The following DENND5A variants were observed in gnomAD, a reference collection of about 807,000 sequenced individuals.
DENND5A encodes the protein DENN domain-containing protein 5A.
DENND5A carries 64 observed loss-of-function variants against 140.3 expected under a neutral mutation model. That is an observed-to-expected ratio of 0.46 (90% CI 0.37 to 0.56). DENND5A has a LOEUF of 0.56. Among genes scored for constraint, DENND5A ranks in the 20% least tolerant of loss-of-function variants. The pLI, the probability that DENND5A is intolerant of heterozygous loss-of-function variation, is 0.00. For missense variants in DENND5A, 1,292 were observed against 1,593.8 expected (o/e 0.81, Z 3.22); for synonymous variants, 605 against 607.7 (o/e 1.00, Z 0.07).
intron 4 of DENND5A, among the ~76,000 whole-genome samples, chr11:9,202,545 T>C (rs904392819): frequency 6.6e-6 from 1 of 152,162 alleles, no homozygotes; most frequent in Non-Finnish European, 1.5e-5. Context: ...GAATCTTCCG[T>C]AGCTAGAAAT....
At position 9,168,706 on chromosome 11, in the gene DENND5A, A is replaced by C. The variant is rs570766579; in HGVS notation, c.2151+1150T>G. On this transcript the variant is annotated intron_variant, in intron 10 of 22. Transcript: ENST00000328194. ...ATTCATAACCATATCTTACAATTTT[A>C]ATTTATTCATTAAAAACATAGCAAA... 3.3e-5 allele frequency among the ~76,000 whole-genome samples: 5 copies of C among 152,300 alleles called. No individual in the cohort carries two copies. The East Asian group carries it at 9.6e-4, about 29-fold the overall frequency.
At chr11:9,215,731 G>A (rs1443934611) in intron 1 of DENND5A, among the ~76,000 whole-genome samples, 1 of 146,960 alleles carries the variant, frequency 6.8e-6, no homozygotes, top group African/African-American at 2.5e-5. Flanking sequence ...TTGTGTTTTA[G>A]TAAAGATAGG....
chr11:9,235,615 G>A (rs1160253696), intron 1 of DENND5A, among the ~76,000 whole-genome samples: 5 of 150,240 alleles, frequency 3.3e-5, no homozygotes, highest in Admixed American at 2.7e-4. Flanking sequence ...CTGAGATCGC[G>A]CCACTGCACT....
intron 4 of DENND5A, among the ~76,000 whole-genome samples, chr11:9,202,027 G>A (rs1228023272): frequency 6.6e-6 from 1 of 152,174 alleles, no homozygotes; most frequent in African/African-American, 2.4e-5. Flanking sequence ...CTGACAGTAT[G>A]TGCCTCCTAA....
intron 1 of DENND5A, among the ~76,000 whole-genome samples, chr11:9,220,724 CTCT>C (rs2136234628): frequency 6.6e-6 from 1 of 151,974 alleles, no homozygotes; most frequent in Admixed American, 6.6e-5. Flanking sequence ...AAAACCCAGT[CTCT>C]TCTAAAAATA....
At chr11:9,242,566 T>C (rs1194860268) in intron 1 of DENND5A, 1 of 152,190 alleles carries the variant, frequency 6.6e-6, no homozygotes, top group Non-Finnish European at 1.5e-5. Context: ...AATTCTTGCT[T>C]TATAGTCTCG....
chr11:9,186,601 G>C (rs1336742881), intron 5 of DENND5A, among the ~76,000 whole-genome samples: 1 of 152,220 alleles, frequency 6.6e-6, no homozygotes, highest in African/African-American at 2.4e-5. Flanking sequence ...AGTCTGTAAA[G>C]AATCTTTAAA....
At chr11:9,231,572 G>A (rs1327383997) in intron 1 of DENND5A, among the ~76,000 whole-genome samples, 1 of 152,062 alleles carries the variant, frequency 6.6e-6, no homozygotes, top group African/African-American at 2.4e-5. Context: ...AAAAGTTGCA[G>A]GGAGTGGTGG....
At chr11:9,256,018 T>A (rs1393714429) in intron 1 of DENND5A, among the ~76,000 whole-genome samples, 2 of 131,954 alleles carry the variant, frequency 1.5e-5, no homozygotes, top group African/African-American at 5.8e-5. Flanking sequence ...ACGGCGAAAC[T>A]CCATCTCAAA....
intron 5 of DENND5A, among the ~76,000 whole-genome samples, chr11:9,183,258 CAG>C (rs1241942011): frequency 6.6e-6 from 1 of 152,086 alleles, no homozygotes; most frequent in Non-Finnish European, 1.5e-5. Flanking sequence ...ATTCACGTAA[CAG>C]AGATAACAAT....
At chr11:9,241,789 C>T (rs1472421139) in intron 1 of DENND5A, among the ~76,000 whole-genome samples, 1 of 152,004 alleles carries the variant, frequency 6.6e-6, no homozygotes, top group African/African-American at 2.4e-5. Context: ...CCAAGGCGGG[C>T]GGATCACCTG....
rs899138603 is a variant in DENND5A at position 9,242,569 on chromosome 11, T to C, written c.109+22392A>G. ...GAACAGGCTTCCAATTCTTGCTTTA[T>C]AGTCTCGGGCATGTTATTCAAACTC... On this transcript the variant is annotated intron_variant, in intron 1 of 22. Coordinates refer to ENST00000328194, the MANE Select transcript of DENND5A (RefSeq NM_015213.4). 2.6e-5 allele frequency: 4 copies of C among 152,220 alleles called. No homozygotes were observed. In the East Asian group the frequency reaches 5.8e-4, roughly 22 times the overall value. 9.4% of individuals were successfully genotyped at this position (152,220 alleles called of 1,614,324 possible). A position where few individuals can be genotyped will look rare whatever the true frequency, so the allele number is the denominator to read the frequency against.
intron 5 of DENND5A, among the ~76,000 whole-genome samples, chr11:9,184,823 ACT>A (rs1848854209): frequency 6.6e-6 from 1 of 152,092 alleles, no homozygotes; most frequent in Non-Finnish European, 1.5e-5. Context: ...GTTGATATTA[ACT>A]CTTTGTAGGT....
At chr11:9,187,099 A>T (rs1454738303) in intron 5 of DENND5A, among the ~76,000 whole-genome samples, 1 of 152,102 alleles carries the variant, frequency 6.6e-6, no homozygotes, top group Non-Finnish European at 1.5e-5. Flanking sequence ...AAAAAAAGAG[A>T]AGAAAGAATT....
At chr11:9,248,475 ACACT>A (rs1280820782) in intron 1 of DENND5A, among the ~76,000 whole-genome samples, 14 of 151,962 alleles carry the variant, frequency 9.2e-5, no homozygotes, top group Admixed American at 3.9e-4. Context: ...ACATAGTGAC[ACACT>A]CACTATCTCT....
chr11:9,251,128 C>G (rs1851700378), intron 1 of DENND5A, among the ~76,000 whole-genome samples: 1 of 147,032 alleles, frequency 6.8e-6, no homozygotes. Context: ...GAGTGACACT[C>G]CATCTCAAAC....
chr11:9,260,421 A>T (rs1852146697), intron 1 of DENND5A, among the ~76,000 whole-genome samples: 1 of 152,200 alleles, frequency 6.6e-6, no homozygotes, highest in African/African-American at 2.4e-5. Context: ...TCACCAGGAC[A>T]TTCGCCCATC....
intron 1 of DENND5A, among the ~76,000 whole-genome samples, chr11:9,223,740 T>C (rs1387065015): frequency 1.3e-5 from 2 of 152,018 alleles, no homozygotes; most frequent in Non-Finnish European, 2.9e-5. Context: ...CATCTGACAG[T>C]GGTACCTGGG....
At chr11:9,194,093 G>T (rs1226372930) in intron 4 of DENND5A, among the ~76,000 whole-genome samples, 1 of 152,170 alleles carries the variant, frequency 6.6e-6, no homozygotes, top group East Asian at 1.9e-4. Flanking sequence ...TTCTCACTAA[G>T]ATACATCTGC....
Sources: gnomAD v4.1 joint callset for allele counts (sites outside exome capture counted in the v4.1 genomes callset) on GRCh38, gnomAD v4.1.1 for gene constraint, MANE v1.5 for transcripts, NCBI Gene and HGNC (gene_info 2026-07-23, HGNC 2026-07-21) for gene names.